The following TFDP2 variants were observed in gnomAD, a reference collection of about 807,000 sequenced individuals.
The protein encoded by TFDP2 is transcription factor Dp-2 (E2F dimerization partner 2).
Under a neutral mutation model 59.3 loss-of-function variants are expected in TFDP2, and 17 were observed. That is an observed-to-expected ratio of 0.29 (90% CI 0.20 to 0.43). TFDP2 has a LOEUF of 0.43. Ranked by LOEUF, TFDP2 falls within the 20% of genes least tolerant of loss-of-function variation. The probability of loss-of-function intolerance (pLI) is 1.00; values close to 1 mark genes in which losing one functional copy is unlikely to be tolerated. For synonymous variants in TFDP2, 180 were observed against 194.7 expected, an observed-to-expected ratio of 0.92 and a Z score of 0.63; for missense variants, 391 against 528.8, an observed-to-expected ratio of 0.74 and a Z score of 2.56.
intron 1 of TFDP2, among the ~76,000 whole-genome samples, chr3:142,130,586 C>G (rs540156333): frequency 2.6e-5 from 4 of 151,648 alleles, no homozygotes; most frequent in Admixed American, 1.3e-4. Context: ...GTGTGCTGTA[C>G]CCATTAACTC....
chr3:142,040,899 T>G (rs1256565967), intron 3 of TFDP2, among the ~76,000 whole-genome samples: 2 of 151,872 alleles, frequency 1.3e-5, no homozygotes, highest in African/African-American at 4.8e-5. Context: ...GCAAGACCTT[T>G]TAAAAAAAAA....
At chr3:142,091,248 G>T (rs1031082936) in intron 3 of TFDP2, among the ~76,000 whole-genome samples, 1 of 152,098 alleles carries the variant, frequency 6.6e-6, no homozygotes, top group Non-Finnish European at 1.5e-5. Context: ...AAAAAATGAG[G>T]AGCATTGAGG....
At chr3:142,034,798 C>G (rs1946612075) in intron 3 of TFDP2, among the ~76,000 whole-genome samples, 1 of 150,538 alleles carries the variant, frequency 6.6e-6, no homozygotes, top group Admixed American at 6.7e-5. Context: ...TCACTGAAAG[C>G]TCTGCCTCCC....
At chr3:142,143,080 A>G (rs756001251) in intron 1 of TFDP2, among the ~76,000 whole-genome samples, 5 of 152,188 alleles carry the variant, frequency 3.3e-5, no homozygotes, top group Admixed American at 6.5e-5. Flanking sequence ...TACTAAAAAT[A>G]CAAAAATTAG....
At chr3:142,142,810 T>C (rs2063007019) in intron 1 of TFDP2, among the ~76,000 whole-genome samples, 2 of 152,176 alleles carry the variant, frequency 1.3e-5, no homozygotes, top group African/African-American at 4.8e-5. Flanking sequence ...CACCTACAGT[T>C]AACTCATTTT....
intron 1 of TFDP2, among the ~76,000 whole-genome samples, chr3:142,144,587 G>C (rs1001576477): frequency 6.6e-6 from 1 of 151,996 alleles, no homozygotes; most frequent in East Asian, 1.9e-4. Flanking sequence ...TGTTGCCCAG[G>C]CTGGAGTGCA....
Position 141,944,489 on chromosome 3 carries a change from C to A in TFDP2, c.*8024G>T, listed in dbSNP as rs1306804588. 1 of 152,116 alleles carries A rather than the reference C, an allele frequency of 6.6e-6. No individual in the cohort carries two copies. The highest frequency in any genetic ancestry group is 1.5e-5 in the Non-Finnish European group (1 of 68,024). The allele number at this position is 152,116 out of a possible 1,614,324, so 9.4% of individuals were successfully genotyped here. A position where few individuals can be genotyped will look rare whatever the true frequency, so the allele number is the denominator to read the frequency against. On this transcript the variant is annotated 3_prime_UTR_variant, in exon 13 of 13. Transcript: ENST00000489671. ...TCATTCAAATCATAAAAGTCTGATA[C>A]ATTTTTTTCTCAAGAACAACTTACA...
rs541045902 is a variant in TFDP2 at position 142,010,534 on chromosome 3, G to A, written c.83-4990C>T. On this transcript the variant is annotated intron_variant, in intron 3 of 12. Transcript: ENST00000489671. ...TGAGGCAGGAGAATCGCTTGAACCC[G>A]GGAGGCAGAGGTTGCAGTGAGCCAA... Among the ~76,000 whole-genome samples the A allele has an allele frequency of 1.8e-3, 270 of 151,262 alleles. 1 individual carries two copies. Among genetic ancestry groups the A allele is most frequent in the African/African-American group, 5.9e-3 (245 of 41,190 alleles).
chr3:142,012,407 T>C (rs759816608), intron 3 of TFDP2, among the ~76,000 whole-genome samples: 3 of 152,202 alleles, frequency 2.0e-5, no homozygotes, highest in Non-Finnish European at 4.4e-5. Context: ...GACATCATGA[T>C]TGACAATGGG....
At chr3:142,148,059 A>C (rs1042143230) in intron 1 of TFDP2, among the ~76,000 whole-genome samples, 1 of 152,036 alleles carries the variant, frequency 6.6e-6, no homozygotes, top group Non-Finnish European at 1.5e-5. Flanking sequence ...AAAAAAAAAC[A>C]GGTAAATTAT....
rs1480912798 is a variant in TFDP2 at position 141,946,456 on chromosome 3, TACAC to T, written c.*6053_*6056del. ...CTTGTCTGAGAACAGCTGCACAGAA[TACAC>T]ATTATAAATGAGCACTTTCTCCTAT... is the stretch of plus-strand genomic sequence containing the variant. On this transcript the variant is annotated 3_prime_UTR_variant, in exon 13 of 13. Coordinates refer to ENST00000489671, the MANE Select transcript of TFDP2 (RefSeq NM_001178139.2). 1 of 152,224 alleles carries T rather than the reference TACAC, an allele frequency of 6.6e-6. No individual in the cohort carries two copies. Among genetic ancestry groups the T allele is most frequent in the African/African-American group, 2.4e-5 (1 of 41,460 alleles). The allele number at this position is 152,224 out of a possible 1,614,324, so 9.4% of individuals were successfully genotyped here.
At chr3:141,990,277 TC>T (rs1180716353) in intron 6 of TFDP2, among the ~76,000 whole-genome samples, 1 of 151,230 alleles carries the variant, frequency 6.6e-6, no homozygotes, top group African/African-American at 2.4e-5. Flanking sequence ...TGAGACGGAG[TC>T]CCGCTGTGTT....
At chr3:142,029,343 C>CTT (rs200891038) in intron 3 of TFDP2, among the ~76,000 whole-genome samples, 2 of 143,036 alleles carry the variant, frequency 1.4e-5, no homozygotes, top group Admixed American at 1.4e-4. Context: ...CTTAGTTGTG[C>CTT]TTTTTTTTTT....
chr3:142,118,335 C>T (rs552026511), intron 1 of TFDP2, among the ~76,000 whole-genome samples: 1 of 152,214 alleles, frequency 6.6e-6, no homozygotes, highest in Admixed American at 6.5e-5. Context: ...AAATGTACTG[C>T]AAAGTCAGAA....
At chr3:142,098,842 G>A (rs962116233) in intron 2 of TFDP2, among the ~76,000 whole-genome samples, 2 of 152,178 alleles carry the variant, frequency 1.3e-5, no homozygotes, top group African/African-American at 4.8e-5. Flanking sequence ...GAAGAAGACA[G>A]ACCCCTGACA....
In TFDP2 at chr3:142,038,560, G is replaced by A. The variant is rs142772431; in HGVS notation, c.83-33016C>T. 4.2e-3 allele frequency among the ~76,000 whole-genome samples: 635 copies of A among 152,064 alleles called. 1 individual carries two copies. The highest frequency in any genetic ancestry group is 6.4e-3 in the Non-Finnish European group (432 of 67,996). Reference sequence around the variant, plus strand: ...CTAATTGATAGAGGAAAAAGATTTCGTTTTTAAATAGCTTTTTATATAATG... The same window carrying A: ...CTAATTGATAGAGGAAAAAGATTTCATTTTTAAATAGCTTTTTATATAATG... On this transcript the variant is annotated intron_variant, in intron 3 of 12. Transcript: ENST00000489671.
chr3:142,070,640 G>A (rs540530976), intron 3 of TFDP2, among the ~76,000 whole-genome samples: 1 of 152,282 alleles, frequency 6.6e-6, no homozygotes, highest in South Asian at 2.1e-4. Flanking sequence ...TTACATATGT[G>A]TAAGAACTGT....
intron 1 of TFDP2, among the ~76,000 whole-genome samples, chr3:142,129,139 T>TG (rs778246894): frequency 3.3e-5 from 5 of 151,840 alleles, no homozygotes; most frequent in Non-Finnish European, 5.9e-5. Flanking sequence ...AGCGCAGAGC[T>TG]GGTATTGAGG....
chr3:142,132,031 A>G lies in TFDP2; in HGVS notation c.-93+17152T>C, dbSNP rs558354995. 5.1e-4 allele frequency among the ~76,000 whole-genome samples: 77 copies of G among 149,860 alleles called. 5 individuals carry two copies. The highest frequency in any genetic ancestry group is 1.8e-3 in the African/African-American group (71 of 39,484). On this transcript the variant is annotated intron_variant, in intron 1 of 12. Transcript: ENST00000489671. Reference sequence around the variant, plus strand: ...AAAAAAAAAAAAAAAAAGTCTAAACAAAACCTTGTATAAAAATGTTCATAG... The same window carrying G: ...AAAAAAAAAAAAAAAAAGTCTAAACGAAACCTTGTATAAAAATGTTCATAG...
Sources: gnomAD v4.1 joint callset for allele counts (sites outside exome capture counted in the v4.1 genomes callset) on GRCh38, gnomAD v4.1.1 for gene constraint, MANE v1.5 for transcripts, NCBI Gene and HGNC (gene_info 2026-07-23, HGNC 2026-07-21) for gene names.